The following CADM2 variants were observed in gnomAD, a reference collection of about 807,000 sequenced individuals.
CADM2 encodes the protein immunoglobulin superfamily member 4D.
In CADM2, 12 loss-of-function variants were observed where a neutral mutation model predicts 49.8. The ratio of observed to expected loss-of-function variants is 0.24; its 90% CI spans 0.15 to 0.39. The LOEUF is 0.39. CADM2 is among the 10% of genes least tolerant of loss of function. CADM2 has a pLI of 1.00. For missense variants in CADM2, 378 were observed against 492.3 expected (o/e 0.77, Z 2.20); for synonymous variants, 214 against 175.4 (o/e 1.22, Z -1.74).
intron 1 of CADM2, among the ~76,000 whole-genome samples, chr3:85,229,760 T>G (rs1015268945): frequency 6.6e-6 from 1 of 152,210 alleles, no homozygotes; most frequent in Admixed American, 6.5e-5. Flanking sequence ...TGGTGTAAGA[T>G]TGTCATGGCC....
At chr3:85,629,906 A>T (rs1292835085) in intron 1 of CADM2, among the ~76,000 whole-genome samples, 1 of 151,968 alleles carries the variant, frequency 6.6e-6, no homozygotes, top group Non-Finnish European at 1.5e-5. Flanking sequence ...AAAAGTATCT[A>T]CTTCATATGG....
chr3:85,348,587 C>A (rs1052539088), intron 1 of CADM2, among the ~76,000 whole-genome samples: 7 of 152,074 alleles, frequency 4.6e-5, no homozygotes, highest in African/African-American at 1.7e-4. Context: ...AATGGCATAA[C>A]AAAATTAACA....
At chr3:85,787,454 A>G (rs1201217646) in intron 2 of CADM2, among the ~76,000 whole-genome samples, 1 of 152,128 alleles carries the variant, frequency 6.6e-6, no homozygotes, top group Non-Finnish European at 1.5e-5. Context: ...CTTAGGGATC[A>G]TGATTAAGTC....
intron 1 of CADM2, among the ~76,000 whole-genome samples, chr3:85,236,437 T>G (rs912030526): frequency 6.6e-6 from 1 of 152,034 alleles, no homozygotes; most frequent in African/African-American, 2.4e-5. Context: ...TAATTTGGTG[T>G]CAAAGTTATA....
chr3:85,425,897 G>A (rs1457704058), intron 1 of CADM2, among the ~76,000 whole-genome samples: 1 of 152,134 alleles, frequency 6.6e-6, no homozygotes, highest in Non-Finnish European at 1.5e-5. Context: ...AGGTCTAAAG[G>A]GCAGGCACAT....
At chr3:85,796,384 A>G (rs2071624005) in intron 2 of CADM2, among the ~76,000 whole-genome samples, 1 of 152,058 alleles carries the variant, frequency 6.6e-6, no homozygotes, top group Admixed American at 6.6e-5. Context: ...ATAGTTCTCC[A>G]TGTCGCCTTG....
intron 1 of CADM2, among the ~76,000 whole-genome samples, chr3:85,412,416 G>GT (rs930631657): frequency 3.3e-5 from 5 of 152,046 alleles, no homozygotes; most frequent in East Asian, 1.9e-4. Context: ...TACAATTACA[G>GT]TTTTTTGGGA....
intron 8 of CADM2, among the ~76,000 whole-genome samples, chr3:85,998,864 T>C (rs1353420016): frequency 1.3e-5 from 2 of 152,144 alleles, no homozygotes; most frequent in Non-Finnish European, 2.9e-5. Context: ...CAAGATATTA[T>C]TTGGGAAAGT....
intron 1 of CADM2, among the ~76,000 whole-genome samples, chr3:85,584,162 A>G (rs2062871433): frequency 6.6e-6 from 1 of 152,072 alleles, no homozygotes; most frequent in South Asian, 2.1e-4. Context: ...ACATATAAAC[A>G]TATAATATGT....
chr3:86,000,168 C>G (rs566252070), intron 8 of CADM2, among the ~76,000 whole-genome samples: 1 of 152,060 alleles, frequency 6.6e-6, no homozygotes, highest in Non-Finnish European at 1.5e-5. Context: ...GAAGTACTTT[C>G]AGGGAAAGTG....
intron 1 of CADM2, among the ~76,000 whole-genome samples, chr3:85,170,103 G>C (rs1428171717): frequency 6.6e-6 from 1 of 152,040 alleles, no homozygotes; most frequent in Non-Finnish European, 1.5e-5. Context: ...CTTCACATCA[G>C]CTCCTTTAAA....
chr3:85,525,206 A>T (rs2061135012), intron 1 of CADM2, among the ~76,000 whole-genome samples: 1 of 152,214 alleles, frequency 6.6e-6, no homozygotes, highest in African/African-American at 2.4e-5. Flanking sequence ...ATAGTTTTAG[A>T]TTTACAGAAA....
chr3:85,929,714 C>CT (rs542124409), intron 6 of CADM2, among the ~76,000 whole-genome samples: 377 of 152,082 alleles, frequency 2.5e-3, no homozygotes, highest in African/African-American at 8.8e-3. Context: ...AAAGTGAAGA[C>CT]TTTCAAAATT....
intron 5 of CADM2, among the ~76,000 whole-genome samples, chr3:85,906,175 TA>T (rs1253069181): frequency 2.6e-5 from 4 of 152,130 alleles, no homozygotes; most frequent in African/African-American, 9.7e-5. Flanking sequence ...GGGCATGCAA[TA>T]AAACATCATT....
chr3:85,737,715 G>A (rs1273363805), intron 2 of CADM2, among the ~76,000 whole-genome samples: 2 of 151,780 alleles, frequency 1.3e-5, no homozygotes, highest in African/African-American at 2.4e-5. Flanking sequence ...CCACCACCAT[G>A]CCTGGCTAAG....
At chr3:85,689,121 G>A (rs1472601004) in intron 1 of CADM2, among the ~76,000 whole-genome samples, 1 of 152,144 alleles carries the variant, frequency 6.6e-6, no homozygotes, top group African/African-American at 2.4e-5. Context: ...GCAAAAACAT[G>A]GATGAATCTG....
chr3:85,926,555 T>C (rs982932810), intron 6 of CADM2, among the ~76,000 whole-genome samples: 1 of 152,336 alleles, frequency 6.6e-6, no homozygotes. Flanking sequence ...GAAACTCTTA[T>C]GCAATAATAT....
chr3:85,239,540 A>G (rs940179579), intron 1 of CADM2, among the ~76,000 whole-genome samples: 2 of 151,706 alleles, frequency 1.3e-5, no homozygotes, highest in African/African-American at 4.8e-5. Flanking sequence ...ATTTAATACT[A>G]AATCTACATC....
In CADM2 at chr3:85,729,884, G is replaced by A. The variant is rs551975169; in HGVS notation, c.88+3336G>A. On this transcript the variant is annotated intron_variant, in intron 2 of 9. Coordinates refer to ENST00000383699, the MANE Select transcript of CADM2 (RefSeq NM_001167675.2). The stretch of plus-strand genomic sequence containing the variant: ...AACTTGACTTAACTGTTAAGCTTTT[G>A]TCTGATATTTTCATCACCCTGCTGA... Among the ~76,000 whole-genome samples, 7 of 152,166 alleles carry A rather than the reference G, an allele frequency of 4.6e-5. No individual in the cohort carries two copies. The South Asian group carries it at 1.5e-3, about 32-fold the overall frequency.
Sources: allele counts gnomAD v4.1 joint callset (sites outside exome capture counted in the v4.1 genomes callset), GRCh38; gene constraint gnomAD v4.1.1; transcripts MANE v1.5; gene names NCBI Gene and HGNC (gene_info 2026-07-23, HGNC 2026-07-21).